GPM6B: variants seen among roughly 807,000 people sequenced by gnomAD.
GPM6B encodes neuronal membrane glycoprotein M6-b.
A neutral mutation model predicts 27.2 loss-of-function variants in GPM6B; 4 were observed. The observed-to-expected ratio is 0.15, with a 90% CI of 0.07 to 0.34. The LOEUF (loss-of-function observed/expected upper bound fraction) is 0.34, where lower values mean the gene tolerates loss of function less well. Ranked by LOEUF, GPM6B falls within the 10% of genes least tolerant of loss-of-function variation. The probability of loss-of-function intolerance (pLI) is 1.00; values close to 1 mark genes in which losing one functional copy is unlikely to be tolerated. For synonymous variants in GPM6B, 124 were observed against 103.1 expected, an observed-to-expected ratio of 1.20 and a Z score of -1.23; for missense variants, 183 against 261.9, an observed-to-expected ratio of 0.70 and a Z score of 2.08.
chrX:13,797,809 G>A (rs1055709490), intron 2 of GPM6B, among the ~76,000 whole-genome samples: 2 of 111,605 alleles, frequency 1.8e-5, no homozygotes, highest in Admixed American at 1.9e-4. Context: ...AAAGCAGGAA[G>A]GATAAAAATT....
At chrX:13,915,477 G>T (rs1195890551) in intron 1 of GPM6B, among the ~76,000 whole-genome samples, 1 of 111,279 alleles carries the variant, frequency 9.0e-6, no homozygotes, top group Non-Finnish European at 1.9e-5. Context: ...AATCAATCAT[G>T]CCTTTAAATG....
At chrX:13,918,050 T>C (rs2050445215) in intron 1 of GPM6B, among the ~76,000 whole-genome samples, 1 of 113,134 alleles carries the variant, frequency 8.8e-6, no homozygotes, top group Non-Finnish European at 1.9e-5. Context: ...CATATTCATA[T>C]GTGGTAGAAA....
intron 1 of GPM6B, among the ~76,000 whole-genome samples, chrX:13,886,719 T>TAAAAAAAAAAAAAAAAAAAAAAAAAAAA (rs5901522): frequency 2.8e-5 from 1 of 35,099 alleles, no homozygotes; most frequent in African/African-American, 1.9e-4. Flanking sequence ...AAGTCACTAC[T>TAAAAAAAAAAAAAAAAAAAAAAAAAAAA]AAAAAAAAAA....
chrX:13,840,853 T>C (rs1221476602), intron 1 of GPM6B, among the ~76,000 whole-genome samples: 2 of 112,157 alleles, frequency 1.8e-5, no homozygotes, highest in African/African-American at 6.5e-5. Flanking sequence ...CACATTTACA[T>C]ATATGCACAT....
rs776443287 is a variant in GPM6B, at chrX:13,801,050, AAAAG to A, written c.181+6596_181+6599del. On this transcript the variant is annotated intron_variant, in intron 2 of 7. Coordinates refer to ENST00000316715, the MANE Select transcript of GPM6B (RefSeq NM_001001995.3). The stretch of plus-strand genomic sequence containing the variant: ...GGAACCTCATACTTAAAAAAAAAAA[AAAAG>A]AAAGAAATGATCCCCAGCACTACAT... Among the ~76,000 whole-genome samples the A allele has an allele frequency of 1.2e-4, 13 of 110,777 alleles. No individual in the cohort carries two copies. In the East Asian group the frequency reaches 2.5e-3, roughly 21 times the overall value.
At chrX:13,852,050 G>T (rs1167398848) in intron 1 of GPM6B, among the ~76,000 whole-genome samples, 4 of 110,989 alleles carry the variant, frequency 3.6e-5, no homozygotes, top group Non-Finnish European at 7.5e-5. Flanking sequence ...CATCAACACT[G>T]ATATAAGCCA....
chrX:13,837,847 G>A (rs2049523573), intron 1 of GPM6B, among the ~76,000 whole-genome samples: 2 of 108,662 alleles, frequency 1.8e-5, no homozygotes, highest in South Asian at 7.9e-4. Flanking sequence ...CCCTCAAATG[G>A]CTTAAAAACT....
chrX:13,808,263 T>A (rs962809852), intron 1 of GPM6B, among the ~76,000 whole-genome samples: 1 of 112,309 alleles, frequency 8.9e-6, no homozygotes, highest in Non-Finnish European at 1.9e-5. Context: ...GTCCTCCCAT[T>A]GACGTCTGCA....
At chrX:13,914,003 C>T (rs1297136444) in intron 1 of GPM6B, among the ~76,000 whole-genome samples, 4 of 111,423 alleles carry the variant, frequency 3.6e-5, no homozygotes, top group African/African-American at 6.5e-5. Context: ...CTGCCCACTT[C>T]GGCCTCCCAA....
intron 6 of GPM6B, among the ~76,000 whole-genome samples, chrX:13,777,010 TC>T (rs1161954335): frequency 5.8e-4 from 55 of 94,873 alleles, no homozygotes; most frequent in Non-Finnish European, 1.1e-3. Flanking sequence ...ACTTTGAAAA[TC>T]TTTCAAAGTA....
chrX:13,771,472 A>G lies in GPM6B; in HGVS notation c.*1409T>C, dbSNP rs1176567877. 10 of 112,222 alleles carry G rather than the reference A, an allele frequency of 8.9e-5. No homozygotes were observed. In the Admixed American group the frequency reaches 9.5e-4, roughly 11 times the overall value. The allele number at this position is 112,222 out of a possible 1,213,427, so 9.2% of individuals were successfully genotyped here. A position where few individuals can be genotyped will look rare whatever the true frequency, so the allele number is the denominator to read the frequency against. The stretch of plus-strand genomic sequence containing the variant: ...AATGAAATATTATACTTGATGTTCA[A>G]TTTTAATAGCATCTTGATAAAGGTA... On this transcript the variant is annotated 3_prime_UTR_variant, in exon 8 of 8. Transcript: ENST00000316715.
At chrX:13,893,653 T>C (rs1317165141) in intron 1 of GPM6B, among the ~76,000 whole-genome samples, 1 of 112,274 alleles carries the variant, frequency 8.9e-6, no homozygotes, top group Non-Finnish European at 1.9e-5. Flanking sequence ...TGTCCTGAGT[T>C]ACTGAGTTAC....
At position 13,864,420 on chromosome X, in the gene GPM6B, C is replaced by T. The variant is rs191022048; in HGVS notation, c.-198+73907G>A. On this transcript the variant is annotated intron_variant, in intron 1 of 6. Transcript: ENST00000398361. ...ACCAAGTTGGGGAAGTGAAAGGAAT[C>T]TTGGGAGGACACTGACATGACTTGC... Among the ~76,000 whole-genome samples the T allele has an allele frequency of 3.5e-5, 4 of 112,699 alleles. No individual in the cohort carries two copies. In the East Asian group the frequency reaches 1.1e-3, roughly 31 times the overall value.
intron 2 of GPM6B, among the ~76,000 whole-genome samples, chrX:13,803,689 G>A (rs957263523): frequency 8.9e-6 from 1 of 111,828 alleles, no homozygotes; most frequent in Non-Finnish European, 1.9e-5. Context: ...TATTAAAGAG[G>A]GAGATGAGAG....
intron 1 of GPM6B, among the ~76,000 whole-genome samples, chrX:13,815,275 A>G (rs1409484175): frequency 8.9e-6 from 1 of 112,121 alleles, no homozygotes; most frequent in Non-Finnish European, 1.9e-5. Context: ...ACTAAGTAAA[A>G]TCATCATTTT....
chrX:13,881,209 A>T (rs149981376), intron 1 of GPM6B, among the ~76,000 whole-genome samples: 2,680 of 112,130 alleles, frequency 0.024, 92 homozygotes, highest in East Asian at 0.21. Context: ...GAGCATAGAG[A>T]GTGTGAAAGT....
chrX:13,778,136 A>G (rs1276832175), intron 5 of GPM6B, among the ~76,000 whole-genome samples: 1 of 100,763 alleles, frequency 9.9e-6, no homozygotes, highest in Non-Finnish European at 2.0e-5. Flanking sequence ...TGCAGCCTCC[A>G]CCTCCCGGGT....
chrX:13,812,050 T>TC (rs2049143907), intron 1 of GPM6B, among the ~76,000 whole-genome samples: 1 of 87,360 alleles, frequency 1.1e-5, no homozygotes, highest in African/African-American at 4.5e-5. Context: ...TTTTCTTTCT[T>TC]TTTTTTTTTT....
chrX:13,789,564 A>C (rs1431412048), intron 2 of GPM6B, among the ~76,000 whole-genome samples: 1 of 111,287 alleles, frequency 9.0e-6, no homozygotes, highest in Non-Finnish European at 1.9e-5. Flanking sequence ...TCACGAGGTC[A>C]GGAGATCGAG....
Sources: gnomAD v4.1 joint callset for allele counts (sites outside exome capture counted in the v4.1 genomes callset) on GRCh38, gnomAD v4.1.1 for gene constraint, MANE v1.5 for transcripts, NCBI Gene and HGNC (gene_info 2026-07-23, HGNC 2026-07-21) for gene names.